PRR4: variants seen among roughly 807,000 people sequenced by gnomAD.
PRR4 encodes the protein proline rich 4.
A neutral mutation model predicts 7.6 loss-of-function variants in PRR4; 7 were observed. The observed-to-expected ratio is 0.92, with a 90% confidence interval of 0.52 to 1.73. PRR4 has a LOEUF of 1.73. Ranked by LOEUF, PRR4 falls within the 40% of genes most tolerant of loss-of-function variation. The probability of loss-of-function intolerance (pLI) is 0.00; values close to 1 mark genes in which losing one functional copy is unlikely to be tolerated. For missense variants in PRR4, 187 were observed against 161.0 expected, an observed-to-expected ratio of 1.16 and a Z score of -0.87; for synonymous variants, 64 against 58.5, an observed-to-expected ratio of 1.09 and a Z score of -0.43.
intron 1 of PRR4, 63 bp from the exon 2 acceptor site, chr12:10,848,470 G>T: frequency 6.6e-7 from 1 of 1,525,922 alleles, no homozygotes; most frequent in Non-Finnish European, 9.0e-7. Context: ...GCTCATAGTG[G>T]TCTATAGGGA....
chr12:10,848,744 A>G (rs1020049799), intron 1 of PRR4: 16 of 256,126 alleles, frequency 6.2e-5, no homozygotes, highest in African/African-American at 3.3e-4. Flanking sequence ...TATTTTGATC[A>G]TATTCACAAG....
At chr12:10,848,284 G>A in intron 2 of PRR4, 88 bp downstream of exon 2, 1 of 1,344,196 alleles carries the variant, frequency 7.4e-7, no homozygotes, top group Non-Finnish European at 1.0e-6. Flanking sequence ...CCAAAAAAAT[G>A]ATGAGAAGAA....
intron 1 of PRR4, 39 bp downstream of exon 1, chr12:10,849,335 C>T: frequency 7.2e-7 from 1 of 1,389,148 alleles, no homozygotes; most frequent in Non-Finnish European, 9.8e-7. Context: ...CCCCTCATCC[C>T]ACTCCCCATC....
chr12:10,848,934 C>T (rs1949059441), intron 1 of PRR4: 1 of 156,168 alleles, frequency 6.4e-6, no homozygotes, highest in Non-Finnish European at 1.4e-5. Flanking sequence ...TCTGACAGTA[C>T]TCTGATGTTT....
At chr12:10,846,697 C>G (rs1281691758) in intron 3 of PRR4, among the ~76,000 whole-genome samples, 1 of 152,060 alleles carries the variant, frequency 6.6e-6, no homozygotes, top group African/African-American at 2.4e-5. Flanking sequence ...CTGAGAGAAA[C>G]CTGAGATGGA....
intron 3 of PRR4, among the ~76,000 whole-genome samples, chr12:10,846,416 A>G (rs1331954251): frequency 6.6e-6 from 1 of 152,186 alleles, no homozygotes; most frequent in Non-Finnish European, 1.5e-5. Flanking sequence ...ATACATATAA[A>G]TATTTCCAGG....
chr12:10,847,126 T>G lies in PRR4; in HGVS notation c.342A>C (p.Glu114Asp). 28 of 1,613,174 alleles carry G rather than the reference T, an allele frequency of 1.7e-5. No individual in the cohort carries two copies. The highest frequency in any genetic ancestry group is 2.4e-5 in the Non-Finnish European group (28 of 1,179,466). ...LPRFPSVSLQEASSFFQRDRP... is the reference protein window; with the variant it reads ...LPRFPSVSLQDASSFFQRDRP... ...TGTCCCTCTGGAAGAATGATGATGC[T>G]TCCTGCAGGCTGACAGAAGGAAATC... The change falls in exon 3 of 4, where the codon GAA becomes GAC. Residue 114 changes from glutamate to aspartate, a missense_variant. Glu to Asp is a conservative substitution (Grantham distance 45, BLOSUM62 2). Coordinates refer to ENST00000228811, the MANE Select transcript of PRR4 (RefSeq NM_007244.3).
chr12:10,849,403 G>C lies in PRR4; in HGVS notation c.35C>G (p.Ala12Gly), dbSNP rs1359869046. Residue 12 changes from alanine to glycine, a missense_variant, in exon 1 of 4, where the codon GCT (alanine) becomes GGT (glycine). Physicochemically the swap from Ala to Gly is moderately conservative, Grantham distance 60 (BLOSUM62 0). Coordinates refer to ENST00000228811, the MANE Select transcript of PRR4 (RefSeq NM_007244.3). ...LLVLLSVVLLALSSAQSTDND... is the reference protein window; with the variant it reads ...LLVLLSVVLLGLSSAQSTDND... ...ATCTGTGCTCTGAGCTGAGCTCAGA[G>C]CCAGAAGGACCACTGAGAGCAGGAC... 1 of 1,608,566 alleles carries C rather than the reference G, an allele frequency of 6.2e-7. No homozygotes were observed. Among genetic ancestry groups the C allele is most frequent in the Non-Finnish European group, 8.5e-7 (1 of 1,177,696 alleles).
chr12:10,849,006 C>T (rs1394953796), intron 1 of PRR4: 1 of 157,586 alleles, frequency 6.3e-6, no homozygotes, highest in Admixed American at 6.3e-5. Flanking sequence ...TCGCTGTCCA[C>T]TGAGATTACT....
Position 10,847,256 on chromosome 12 carries a change from T to C in PRR4, c.212A>G (p.Gln71Arg). 2.5e-6 allele frequency: 4 copies of C among 1,613,204 alleles called. No individual in the cohort carries two copies. The Admixed American group carries it at 6.7e-5, about 27-fold the overall frequency. The part of the protein sequence containing the change: ...DSGNQDDGPQ[Q>R]RPPKPGGHHR... Reference sequence around the variant, plus strand: ...ATGGCCTCCTGGTTTTGGTGGTCTCTGCTGAGGACCATCATCTTGGTTACC... The same window carrying C: ...ATGGCCTCCTGGTTTTGGTGGTCTCCGCTGAGGACCATCATCTTGGTTACC... The change falls in exon 3 of 4, where the codon CAG (glutamine) becomes CGG (arginine). Residue 71 changes from glutamine (Q) to arginine (R), a missense_variant. Transcript: ENST00000228811.
Position 10,848,426 on chromosome 12 carries a change from G to A in PRR4, c.65-19C>T. 1 of 1,610,302 alleles carries A rather than the reference G, an allele frequency of 6.2e-7. No homozygotes were observed. The highest frequency in any genetic ancestry group is 8.5e-7 in the Non-Finnish European group (1 of 1,176,938). Reference sequence around the variant, plus strand: ...TTCACATCTAGGAAAAGAAGCACAGGATGAAGTGAACATTACCTCATAAAT... The same window carrying A: ...TTCACATCTAGGAAAAGAAGCACAGAATGAAGTGAACATTACCTCATAAAT... On this transcript the variant is annotated intron_variant, in intron 1 of 3. Transcript: ENST00000228811.
In PRR4 at chr12:10,847,293, G is replaced by C. The variant is rs1268089800; in HGVS notation, c.175C>G (p.Pro59Ala). 6.2e-7 allele frequency: 1 copy of C among 1,609,640 alleles called. No individual in the cohort carries two copies. The highest frequency in any genetic ancestry group is 1.7e-5 in the Admixed American group (1 of 59,830). The change falls in exon 3 of 4, where the codon CCT becomes GCT. Residue 59 changes from proline (P) to alanine (A), a missense_variant. Transcript: ENST00000228811. ...TCATCTTGGTTACCACTATCACCAG[G>C]GGGTCTAGGTAGGAGTCCTTCAGGA... ...PPPEGLLPRP[P>A]GDSGNQDDGP... is the part of the protein sequence containing the mutation.
chr12:10,849,348 C>T (rs544091066), intron 1 of PRR4, 26 bp downstream of exon 1: 51 of 1,529,958 alleles, frequency 3.3e-5, no homozygotes, highest in Non-Finnish European at 4.1e-5. Flanking sequence ...TCCCCATCTC[C>T]TTTTTTAAAA....
intron 1 of PRR4, chr12:10,848,726 T>G: frequency 3.4e-6 from 1 of 290,318 alleles, no homozygotes; most frequent in East Asian, 5.9e-5. Context: ...CCTTCTTCCT[T>G]CTTTAAATAT....
intron 3 of PRR4, 72 bp from the exon 4 acceptor site, chr12:10,846,022 A>T (rs1949012467): frequency 9.8e-7 from 1 of 1,020,038 alleles, no homozygotes; most frequent in East Asian, 3.0e-5. Flanking sequence ...TAATTCCTTG[A>T]TGATATTACT....
In PRR4 at chr12:10,849,404, C is replaced by A. The variant is rs1221164361; in HGVS notation, c.34G>T (p.Ala12Ser). 1.2e-6 allele frequency: 2 copies of A among 1,607,758 alleles called. No homozygotes were observed. Among genetic ancestry groups the A allele is most frequent in the African/African-American group, 1.3e-5 (1 of 74,358 alleles). The change falls in exon 1 of 4, where the codon GCT becomes TCT. Residue 12 changes from alanine (A) to serine (S), a missense_variant. Transcript: ENST00000228811. Reference sequence around the variant, plus strand: ...TCTGTGCTCTGAGCTGAGCTCAGAGCCAGAAGGACCACTGAGAGCAGGACC... The same window carrying A: ...TCTGTGCTCTGAGCTGAGCTCAGAGACAGAAGGACCACTGAGAGCAGGACC... ...LLVLLSVVLL[A>S]LSSAQSTDND...
At chr12:10,848,305 G>T in intron 2 of PRR4, 67 bp downstream of exon 2, 4 of 1,500,408 alleles carry the variant, frequency 2.7e-6, no homozygotes, top group Non-Finnish European at 3.7e-6. Context: ...GACACTGAAG[G>T]AAACTAAAAA....
intron 3 of PRR4, among the ~76,000 whole-genome samples, 169 bp from the exon 4 acceptor site, chr12:10,846,119 T>C (rs945998541): frequency 1.1e-4 from 16 of 152,182 alleles, no homozygotes; most frequent in African/African-American, 3.9e-4. Flanking sequence ...TTCAAGGTTA[T>C]ATTTATGAAA....
intron 2 of PRR4, 157 bp downstream of exon 2, chr12:10,848,215 G>C: frequency 1.6e-6 from 1 of 633,106 alleles, no homozygotes; most frequent in Non-Finnish European, 2.6e-6. Context: ...GGTAAGAATT[G>C]CCTATATATT....
Sources: allele counts gnomAD v4.1 joint callset (sites outside exome capture counted in the v4.1 genomes callset), GRCh38; gene constraint gnomAD v4.1.1; transcripts MANE v1.5; gene names NCBI Gene and HGNC (gene_info 2026-07-23, HGNC 2026-07-21).